CNTLN: variants seen among roughly 807,000 people sequenced by gnomAD.
CNTLN encodes centlein, centrosomal protein.
Under a neutral mutation model 180.0 loss-of-function variants are expected in CNTLN, and 212 were observed. That is an observed-to-expected ratio of 1.18 (90% CI 1.05 to 1.32). The LOEUF (loss-of-function observed/expected upper bound fraction) is 1.32. Ranked by LOEUF, CNTLN falls within the 40% of genes most tolerant of loss-of-function variation. The probability of loss-of-function intolerance (pLI) is 0.00; values close to 1 mark genes in which losing one functional copy is unlikely to be tolerated. For synonymous variants in CNTLN, 722 were observed against 563.1 expected, an observed-to-expected ratio of 1.28 and a Z score of -3.99; for missense variants, 2,095 against 1,610.9, an observed-to-expected ratio of 1.30 and a Z score of -5.14.
chr9:17,289,877 T>C (rs1262253080), intron 6 of CNTLN, among the ~76,000 whole-genome samples: 7 of 133,506 alleles, frequency 5.2e-5, no homozygotes. Flanking sequence ...TTTAAGCACT[T>C]CTCTGTATTG....
intron 3 of CNTLN, among the ~76,000 whole-genome samples, chr9:17,232,969 TA>T (rs1218410889): frequency 6.7e-6 from 1 of 148,654 alleles, no homozygotes; most frequent in African/African-American, 2.5e-5. Context: ...CACATTTTGA[TA>T]TGGCCTAATA....
intron 12 of CNTLN, among the ~76,000 whole-genome samples, chr9:17,361,337 A>C (rs926104094): frequency 3.3e-4 from 50 of 152,058 alleles, no homozygotes; most frequent in Non-Finnish European, 5.4e-4. Context: ...AGGCTTGTTT[A>C]TCTCTACTCA....
intron 12 of CNTLN, among the ~76,000 whole-genome samples, chr9:17,359,145 AGT>A (rs1823091965): frequency 6.6e-6 from 1 of 151,998 alleles, no homozygotes; most frequent in Admixed American, 6.6e-5. Context: ...CAGCCCCCCA[AGT>A]AGTTGGTACT....
chr9:17,310,875 CTATTG>C, intron 8 of CNTLN, among the ~76,000 whole-genome samples: 1 of 152,108 alleles, frequency 6.6e-6, no homozygotes. Flanking sequence ...GTTCAATCTT[CTATTG>C]GATTTTTTCT....
intron 2 of CNTLN, among the ~76,000 whole-genome samples, chr9:17,177,656 G>A (rs1277726994): frequency 2.6e-5 from 4 of 151,990 alleles, no homozygotes; most frequent in Non-Finnish European, 5.9e-5. Flanking sequence ...GAGTGTTACA[G>A]CTCTTAAGGC....
chr9:17,511,227 A>G, the CNTLN span, among the ~76,000 whole-genome samples: 1 of 152,170 alleles, frequency 6.6e-6, no homozygotes, highest in Non-Finnish European at 1.5e-5. Context: ...TGGGAATTGG[A>G]TCAGACATAT....
At chr9:17,204,839 G>A (rs956164663) in intron 2 of CNTLN, among the ~76,000 whole-genome samples, 39 of 152,190 alleles carry the variant, frequency 2.6e-4, no homozygotes, top group African/African-American at 9.2e-4. Context: ...AGTTTTATCT[G>A]TAATCCCTAG....
intron 18 of CNTLN, 71 bp from the exon 19 acceptor site, chr9:17,457,453 T>G: frequency 1.2e-6 from 1 of 820,710 alleles, no homozygotes; most frequent in Non-Finnish European, 1.7e-6. Flanking sequence ...AATTTTATGC[T>G]GATAATTGTT....
At chr9:17,392,285 C>T (rs1020971313) in intron 14 of CNTLN, among the ~76,000 whole-genome samples, 3 of 152,114 alleles carry the variant, frequency 2.0e-5, no homozygotes, top group Non-Finnish European at 4.4e-5. Flanking sequence ...TAATTACTTA[C>T]TTGCATCAAA....
At chr9:17,409,523 T>C in intron 16 of CNTLN, 50 bp downstream of exon 16, 1 of 1,324,512 alleles carries the variant, frequency 7.5e-7, no homozygotes, top group Admixed American at 2.4e-5. Flanking sequence ...AAATTTTATC[T>C]TATGCTTTAT....
chr9:17,390,213 A>G (rs1322077680), intron 14 of CNTLN, among the ~76,000 whole-genome samples: 1 of 119,786 alleles, frequency 8.3e-6, no homozygotes, highest in African/African-American at 3.1e-5. Context: ...CAGGCATTGT[A>G]TTTCAGTTTT....
chr9:17,184,740 A>G (rs1821328020), intron 2 of CNTLN, among the ~76,000 whole-genome samples: 1 of 152,202 alleles, frequency 6.6e-6, no homozygotes, highest in Non-Finnish European at 1.5e-5. Context: ...AACAATAGGA[A>G]TACTCACACA....
rs72702034 is a variant in CNTLN, at chr9:17,323,924, C to G, written c.1342-6708C>G. 2.7e-3 allele frequency among the ~76,000 whole-genome samples: 417 copies of G among 152,200 alleles called. 1 individual carries two copies. Among genetic ancestry groups the G allele is most frequent in the Non-Finnish European group, 4.2e-3 (283 of 68,016 alleles). ...ATCAGGAATTGAGAGGTGATGACAG[C>G]GTTGTTGTTTTTTTCATTACCTGGC... On this transcript the variant is annotated intron_variant, in intron 8 of 25. Transcript: ENST00000380647.
intron 2 of CNTLN, among the ~76,000 whole-genome samples, chr9:17,218,079 A>C (rs986137467): frequency 6.6e-6 from 1 of 152,164 alleles, no homozygotes; most frequent in Admixed American, 6.5e-5. Flanking sequence ...GTCTGATTGA[A>C]TAAGGAAAAA....
chr9:17,250,307 T>C (rs1826060791), intron 5 of CNTLN, among the ~76,000 whole-genome samples: 1 of 152,086 alleles, frequency 6.6e-6, no homozygotes, highest in Admixed American at 6.6e-5. Flanking sequence ...ATGTTTTCTT[T>C]ATGTTTTATG....
chr9:17,388,168 T>G lies in CNTLN; in HGVS notation c.1994T>G (p.Leu665Arg). 6.2e-7 allele frequency: 1 copy of G among 1,604,016 alleles called. No individual in the cohort carries two copies. Among genetic ancestry groups the G allele is most frequent in the South Asian group, 1.1e-5 (1 of 90,424 alleles). Reference sequence around the variant, plus strand: ...ATTATTTATTCTCTACCAGAACAGCTCTTTAGATCTGGTGAAGATGATGAG... The same window carrying G: ...ATTATTTATTCTCTACCAGAACAGCGCTTTAGATCTGGTGAAGATGATGAG... ...RCVAERREEQ[L>R]FRSGEDDEVK... Residue 665 changes from leucine (L) to arginine (R), a missense_variant, in exon 14 of 26, where the codon CTC becomes CGC. Physicochemically the swap from Leu to Arg is moderately radical, Grantham distance 102 (BLOSUM62 -2). Transcript: ENST00000380647.
intron 12 of CNTLN, among the ~76,000 whole-genome samples, chr9:17,347,382 A>C (rs1424634255): frequency 6.6e-6 from 1 of 152,166 alleles, no homozygotes; most frequent in Admixed American, 6.5e-5. Context: ...TAGGTCAAAA[A>C]TGTTGCTGGG....
At chr9:17,383,008 A>G (rs1297413869) in intron 13 of CNTLN, among the ~76,000 whole-genome samples, 1 of 152,138 alleles carries the variant, frequency 6.6e-6, no homozygotes, top group Non-Finnish European at 1.5e-5. Context: ...TGCAGGTTCC[A>G]TGTAGAAAAG....
At chr9:17,353,011 G>A (rs919772591) in intron 12 of CNTLN, among the ~76,000 whole-genome samples, 2 of 152,328 alleles carry the variant, frequency 1.3e-5, no homozygotes, top group African/African-American at 4.8e-5. Flanking sequence ...GAATAGTGCT[G>A]CTATGAACAT....
Sources: gnomAD v4.1 joint callset for allele counts (sites outside exome capture counted in the v4.1 genomes callset) on GRCh38, gnomAD v4.1.1 for gene constraint, MANE v1.5 for transcripts, NCBI Gene and HGNC (gene_info 2026-07-23, HGNC 2026-07-21) for gene names.